Variants in WASF2 observed in about 807,000 individuals in gnomAD.
WASF2 encodes WASP family member 2, also known as actin-binding protein WASF2.
WASF2 carries 14 observed loss-of-function variants against 45.0 expected under a neutral mutation model. The ratio of observed to expected loss-of-function variants is 0.31; its 90% confidence interval spans 0.21 to 0.49. The LOEUF (loss-of-function observed/expected upper bound fraction) is 0.49, where lower values mean the gene tolerates loss of function less well. Ranked by LOEUF, WASF2 falls within the 20% of genes least tolerant of loss-of-function variation. WASF2 has a pLI of 0.99. For synonymous variants in WASF2, 200 were observed against 236.3 expected, an observed-to-expected ratio of 0.85 and a Z score of 1.41; for missense variants, 439 against 636.1, an observed-to-expected ratio of 0.69 and a Z score of 3.33.
intron 1 of WASF2, among the ~76,000 whole-genome samples, chr1:27,434,919 T>A (rs942867720): frequency 2.0e-5 from 3 of 152,198 alleles, no homozygotes; most frequent in Non-Finnish European, 2.9e-5. Context: ...ACAGTGAGAT[T>A]CTTCAAGTCT....
rs1316288598 is a variant in WASF2 at position 27,418,427 on chromosome 1, G to A, written c.266-5C>T. 1 of 1,614,116 alleles carries A rather than the reference G, an allele frequency of 6.2e-7. No homozygotes were observed. The highest frequency in any genetic ancestry group is 8.5e-7 in the Non-Finnish European group (1 of 1,180,042). On this transcript the variant is annotated splice_region_variant and splice_polypyrimidine_tract_variant and intron_variant, in intron 3 of 8. Transcript: ENST00000618852. ...TGTTGATTCCTTGCAGTGACACTGA[G>A]AGAAGATGGAAGGCGTTAGAAAATG...
intron 1 of WASF2, among the ~76,000 whole-genome samples, chr1:27,431,094 A>C (rs2017057147): frequency 6.6e-6 from 1 of 152,226 alleles, no homozygotes; most frequent in Admixed American, 6.5e-5. Context: ...CAACAGCAAC[A>C]GCCCAAGAAC....
chr1:27,443,545 G>A (rs892813179), intron 1 of WASF2, among the ~76,000 whole-genome samples: 3 of 151,044 alleles, frequency 2.0e-5, no homozygotes, highest in East Asian at 4.0e-4. Context: ...CCCAGGAGGC[G>A]GAGGTTGCAG....
At chr1:27,439,364 T>C (rs1286417124) in intron 1 of WASF2, among the ~76,000 whole-genome samples, 8 of 152,238 alleles carry the variant, frequency 5.3e-5, no homozygotes, top group Admixed American at 3.3e-4. Flanking sequence ...AGTAGAATGA[T>C]TGACATCTAT....
chr1:27,446,493 G>A (rs1187995336), intron 1 of WASF2, among the ~76,000 whole-genome samples: 1 of 152,104 alleles, frequency 6.6e-6, no homozygotes, highest in African/African-American at 2.4e-5. Flanking sequence ...ACAACTCCAA[G>A]ACAAAATTTG....
intron 8 of WASF2, 63 bp from the exon 9 acceptor site, chr1:27,408,409 CTGGGTAAGAGGGAGTGGCCACCAA>C: frequency 6.2e-7 from 1 of 1,605,958 alleles, no homozygotes; most frequent in African/African-American, 1.3e-5. Context: ...CCATCTGGAA[CTGGGTAAGAGGGAGTGGCCACCAA>C]TGGGTAAGTG....
intron 2 of WASF2, among the ~76,000 whole-genome samples, chr1:27,423,269 C>T (rs1001291372): frequency 1.3e-5 from 2 of 151,800 alleles, no homozygotes; most frequent in African/African-American, 2.4e-5. Flanking sequence ...ACAATCTCAG[C>T]TCACTGCAAC....
At chr1:27,458,585 A>T (rs914447641) in intron 1 of WASF2, among the ~76,000 whole-genome samples, 2 of 152,016 alleles carry the variant, frequency 1.3e-5, no homozygotes, top group African/African-American at 4.8e-5. Flanking sequence ...ACTTGAGGCC[A>T]GGAGTTTGAG....
At chr1:27,453,591 CAAAA>C (rs57897316) in intron 1 of WASF2, among the ~76,000 whole-genome samples, 11 of 103,088 alleles carry the variant, frequency 1.1e-4, no homozygotes, top group East Asian at 5.7e-4. Context: ...GACTCTGTCT[CAAAA>C]AAAAAAAAAA....
At chr1:27,480,239 G>A (rs1278721708) in intron 1 of WASF2, among the ~76,000 whole-genome samples, 2 of 152,006 alleles carry the variant, frequency 1.3e-5, no homozygotes, top group African/African-American at 2.4e-5. Flanking sequence ...ACTTATGGCC[G>A]GGTGTGGAGG....
chr1:27,442,272 G>A (rs559173535), intron 1 of WASF2, among the ~76,000 whole-genome samples: 5 of 152,252 alleles, frequency 3.3e-5, no homozygotes, highest in Non-Finnish European at 7.4e-5. Flanking sequence ...AAGGCTGGGC[G>A]CAGTGGCTCA....
intron 2 of WASF2, among the ~76,000 whole-genome samples, chr1:27,424,378 C>T (rs543022947): frequency 1.3e-5 from 2 of 152,334 alleles, no homozygotes; most frequent in Admixed American, 6.5e-5. Flanking sequence ...CTTTCCATTC[C>T]TACATTCTTT....
intron 1 of WASF2, chr1:27,459,175 T>C (rs927143646): frequency 6.6e-6 from 1 of 152,450 alleles, no homozygotes; most frequent in African/African-American, 2.4e-5. Flanking sequence ...TTTTTTGTTG[T>C]TGTTGAGACC....
At chr1:27,440,167 G>T (rs1294972744) in intron 1 of WASF2, among the ~76,000 whole-genome samples, 1 of 152,158 alleles carries the variant, frequency 6.6e-6, no homozygotes, top group East Asian at 1.9e-4. Context: ...ATTCCAATGG[G>T]TTTCTACCAT....
intron 1 of WASF2, among the ~76,000 whole-genome samples, chr1:27,434,645 T>A (rs1011216470): frequency 6.6e-6 from 1 of 152,156 alleles, no homozygotes; most frequent in African/African-American, 2.4e-5. Context: ...CCTGGACTGA[T>A]CAAGGAGTTA....
At chr1:27,467,283 T>C (rs1358167682) in intron 1 of WASF2, among the ~76,000 whole-genome samples, 1 of 148,984 alleles carries the variant, frequency 6.7e-6, no homozygotes, top group Non-Finnish European at 1.5e-5. Context: ...TTTGCAACTA[T>C]TGGGTAAAAT....
At chr1:27,469,466 G>A (rs1214284935) in intron 1 of WASF2, among the ~76,000 whole-genome samples, 1 of 152,104 alleles carries the variant, frequency 6.6e-6, no homozygotes, top group African/African-American at 2.4e-5. Flanking sequence ...TCGATCTAGT[G>A]TACCGCCTCC....
At chr1:27,458,769 G>A (rs953883539) in intron 1 of WASF2, among the ~76,000 whole-genome samples, 12 of 151,146 alleles carry the variant, frequency 7.9e-5, no homozygotes, top group African/African-American at 1.7e-4. Flanking sequence ...CTCCAGCCTC[G>A]GTGACAGAGC....
intron 1 of WASF2, among the ~76,000 whole-genome samples, chr1:27,484,811 C>CAAAAAAAAAAAAAAAAAA (rs58153446): frequency 8.0e-5 from 10 of 124,578 alleles, no homozygotes; most frequent in African/African-American, 3.3e-4. Context: ...GACTCTGTCT[C>CAAAAAAAAAAAAAAAAAA]AAAAAAAAAA....
Sources: allele counts gnomAD v4.1 joint callset (sites outside exome capture counted in the v4.1 genomes callset), GRCh38; gene constraint gnomAD v4.1.1; transcripts MANE v1.5; gene names NCBI Gene and HGNC (gene_info 2026-07-23, HGNC 2026-07-21).